The following ASAP2 variants were observed in gnomAD, a reference collection of about 807,000 sequenced individuals.
The protein encoded by ASAP2 is ArfGAP with SH3 domain, ankyrin repeat and PH domain 2, also known as arf-GAP with SH3 domain, ANK repeat and PH domain-containing protein 2.
A neutral mutation model predicts 131.4 loss-of-function variants in ASAP2; 45 were observed. That is an observed-to-expected ratio of 0.34 (90% CI 0.27 to 0.44). The LOEUF (loss-of-function observed/expected upper bound fraction) is 0.44, where lower values mean the gene tolerates loss of function less well. ASAP2 is among the 20% of genes least tolerant of loss of function. ASAP2 has a pLI of 1.00. For missense variants in ASAP2, 1,011 were observed against 1,297.0 expected, an observed-to-expected ratio of 0.78 and a Z score of 3.39; for synonymous variants, 510 against 503.0, an observed-to-expected ratio of 1.01 and a Z score of -0.19.
chr2:9,265,296 A>G (rs369047547), intron 1 of ASAP2, among the ~76,000 whole-genome samples: 38 of 152,390 alleles, frequency 2.5e-4, no homozygotes, highest in African/African-American at 9.1e-4. Context: ...AACATTCTAC[A>G]TTACGAATTG....
At chr2:9,355,688 A>T (rs1011009561) in intron 12 of ASAP2, among the ~76,000 whole-genome samples, 1 of 152,230 alleles carries the variant, frequency 6.6e-6, no homozygotes, top group East Asian at 1.9e-4. Flanking sequence ...TCTTTTTAAA[A>T]AAGGTTTTTA....
chr2:9,285,622 C>G (rs1384436697), intron 2 of ASAP2, among the ~76,000 whole-genome samples: 1 of 152,222 alleles, frequency 6.6e-6, no homozygotes, highest in Non-Finnish European at 1.5e-5. Flanking sequence ...TTCCCAAGCT[C>G]TGGCTCAGCC....
intron 1 of ASAP2, among the ~76,000 whole-genome samples, chr2:9,255,897 T>C (rs190688469): frequency 3.7e-4 from 56 of 152,306 alleles, no homozygotes; most frequent in Admixed American, 3.7e-3. Flanking sequence ...GTCTGATTTA[T>C]TTGTATGCGT....
At chr2:9,303,958 C>T (rs963561029) in intron 3 of ASAP2, among the ~76,000 whole-genome samples, 1 of 152,194 alleles carries the variant, frequency 6.6e-6, no homozygotes, top group Non-Finnish European at 1.5e-5. Context: ...GCTATCCATG[C>T]GCTGGTGCTG....
intron 20 of ASAP2, 35 bp from the exon 21 acceptor site, chr2:9,385,210 G>A (rs765550196): frequency 6.6e-7 from 1 of 1,525,046 alleles, no homozygotes; most frequent in Admixed American, 1.7e-5. Context: ...CCGAGTGTAT[G>A]AGCAACAGCA....
intron 17 of ASAP2, among the ~76,000 whole-genome samples, 162 bp downstream of exon 17, chr2:9,375,106 CAAAAAAAAA>C (rs112747713): frequency 0.014 from 958 of 66,280 alleles, 14 homozygotes; most frequent in African/African-American, 0.039. Flanking sequence ...CCCATCTCTA[CAAAAAAAAA>C]AAAAAAAAAA....
chr2:9,344,523 AT>A lies in ASAP2; in HGVS notation c.850-3del. 1.2e-6 allele frequency: 2 copies of A among 1,610,936 alleles called. No individual in the cohort carries two copies. The highest frequency in any genetic ancestry group is 1.7e-6 in the Non-Finnish European group (2 of 1,177,596). ...CAAGATTAAAAACACACTCTTCACC[AT>A]TTTTTAGGACTCCCAAATTCGTCAG... On this transcript the variant is annotated splice_polypyrimidine_tract_variant and splice_region_variant and intron_variant, in intron 9 of 27. Coordinates refer to ENST00000281419, the MANE Select transcript of ASAP2 (RefSeq NM_003887.3).
At chr2:9,271,767 A>T in intron 1 of ASAP2, 13 of 330,472 alleles carry the variant, frequency 3.9e-5, no homozygotes, top group South Asian at 1.2e-4. Flanking sequence ...GGTGGTTTTA[A>T]TTTTTTTTTT....
chr2:9,220,332 C>G (rs184287212), intron 1 of ASAP2, among the ~76,000 whole-genome samples: 4 of 152,228 alleles, frequency 2.6e-5, no homozygotes, highest in Non-Finnish European at 2.9e-5. Context: ...CACCACTTGA[C>G]ATTCTTACCA....
chr2:9,327,372 A>G (rs1218832631), intron 6 of ASAP2, among the ~76,000 whole-genome samples: 1 of 152,180 alleles, frequency 6.6e-6, no homozygotes, highest in Non-Finnish European at 1.5e-5. Flanking sequence ...TTTTTTTCCA[A>G]CAATCACATT....
At chr2:9,255,118 G>A (rs1433007394) in intron 1 of ASAP2, among the ~76,000 whole-genome samples, 7 of 152,184 alleles carry the variant, frequency 4.6e-5, no homozygotes, top group Non-Finnish European at 8.8e-5. Flanking sequence ...TACTGGGTGT[G>A]TAATGGAATC....
intron 1 of ASAP2, among the ~76,000 whole-genome samples, chr2:9,254,553 T>TA (rs1553297234): frequency 1.5e-5 from 2 of 136,050 alleles, no homozygotes; most frequent in Non-Finnish European, 3.2e-5. Context: ...TTTTTTTTTT[T>TA]AGTAGAGACG....
intron 12 of ASAP2, among the ~76,000 whole-genome samples, chr2:9,355,376 G>T (rs548539848): frequency 2.0e-5 from 3 of 152,224 alleles, no homozygotes; most frequent in African/African-American, 7.2e-5. Flanking sequence ...GATTTCTCTA[G>T]TGTTTTCTCA....
intron 3 of ASAP2, among the ~76,000 whole-genome samples, chr2:9,301,525 G>T (rs1454745384): frequency 1.3e-5 from 2 of 152,216 alleles, no homozygotes; most frequent in African/African-American, 4.8e-5. Context: ...TCTGTGCTGA[G>T]AAGTGGCTTT....
intron 1 of ASAP2, among the ~76,000 whole-genome samples, chr2:9,225,875 G>C (rs1372137113): frequency 6.6e-6 from 1 of 152,198 alleles, no homozygotes; most frequent in Non-Finnish European, 1.5e-5. Flanking sequence ...AGGGTTGGTT[G>C]GTGTGTGGCT....
At chr2:9,285,136 T>A (rs1403114043) in intron 2 of ASAP2, among the ~76,000 whole-genome samples, 1 of 152,206 alleles carries the variant, frequency 6.6e-6, no homozygotes, top group African/African-American at 2.4e-5. Flanking sequence ...CTTAAATATT[T>A]ACTCTCTGAC....
intron 5 of ASAP2, among the ~76,000 whole-genome samples, chr2:9,321,734 T>C (rs1282476624): frequency 6.6e-6 from 1 of 152,052 alleles, no homozygotes; most frequent in Non-Finnish European, 1.5e-5. Flanking sequence ...CATCTGGTTC[T>C]GAAAAGAAAA....
chr2:9,393,321 G>T lies in ASAP2; in HGVS notation c.2519-161G>T, dbSNP rs1466716476. ...GGAAAGGACTCCCTGCTTCCTCCCT[G>T]TGAATGGTTTTCTGAAAACTGGCAA... On this transcript the variant is annotated intron_variant, in intron 23 of 27. Coordinates refer to ENST00000281419, the MANE Select transcript of ASAP2 (RefSeq NM_003887.3). 2.6e-5 allele frequency among the ~76,000 whole-genome samples: 4 copies of T among 152,196 alleles called. No homozygotes were observed. In the East Asian group the frequency reaches 7.7e-4, roughly 29 times the overall value.
chr2:9,282,590 G>A (rs1667196135), intron 2 of ASAP2, among the ~76,000 whole-genome samples: 1 of 152,230 alleles, frequency 6.6e-6, no homozygotes, highest in Non-Finnish European at 1.5e-5. Context: ...TGTAACTACA[G>A]TCATGGGCTC....
Sources: allele counts gnomAD v4.1 joint callset (sites outside exome capture counted in the v4.1 genomes callset), GRCh38; gene constraint gnomAD v4.1.1; transcripts MANE v1.5; gene names NCBI Gene and HGNC (gene_info 2026-07-23, HGNC 2026-07-21).